NPR2: variants seen among roughly 807,000 people sequenced by gnomAD.
NPR2 encodes the protein atrial natriuretic peptide receptor 2.
Under a neutral mutation model 120.7 loss-of-function variants are expected in NPR2, and 49 were observed. The observed-to-expected ratio is 0.41, with a 90% CI of 0.32 to 0.52. NPR2 has a LOEUF of 0.52. Ranked by LOEUF, NPR2 falls within the 20% of genes least tolerant of loss-of-function variation. The pLI, the probability that NPR2 is intolerant of heterozygous loss-of-function variation, is 0.36. For missense variants in NPR2, 931 were observed against 1,362.9 expected, an observed-to-expected ratio of 0.68 and a Z score of 4.99; for synonymous variants, 484 against 519.8, an observed-to-expected ratio of 0.93 and a Z score of 0.94.
At chr9:35,794,429 T>C (rs1346854424) in intron 2 of NPR2, among the ~76,000 whole-genome samples, 1 of 152,170 alleles carries the variant, frequency 6.6e-6, no homozygotes, top group Non-Finnish European at 1.5e-5. Flanking sequence ...GCTTCCACCC[T>C]TTATGGAGAG....
rs759110528 is a variant in NPR2, at chr9:35,808,574, T to C, written c.2778T>C (p.His926=). The C allele has an allele frequency of 1.2e-5, 19 of 1,614,098 alleles. No individual in the cohort carries two copies. In the African/African-American group the frequency reaches 1.5e-4, roughly 12 times the overall value. ...TCCCAGGCCGAAATGGTCAACGCCA[T>C]GCACCAGAAATTGCTCGTATGGCCC... ...SGLPGRNGQR[H]APEIARMALA... is the part of the protein sequence containing the mutation. The change falls in exon 19 of 22, where the codon CAT becomes CAC. Residue 926 remains histidine (H), a synonymous_variant. Transcript: ENST00000342694. The surrounding 1 kb of genome is among the most constrained non-coding windows in gnomAD (Gnocchi z 4.0).
rs1828502055 is a variant in NPR2 at position 35,808,007 on chromosome 9, A to T, written c.2713-502A>T. 1 of 622,120 alleles carries T rather than the reference A, an allele frequency of 1.6e-6. No individual in the cohort carries two copies. Among genetic ancestry groups the T allele is most frequent in the Non-Finnish European group, 2.9e-6 (1 of 348,106 alleles). 38.5% of individuals were successfully genotyped at this position (622,120 alleles called of 1,614,324 possible). A position where few individuals can be genotyped will look rare whatever the true frequency, so the allele number is the denominator to read the frequency against. On this transcript the variant is annotated intron_variant, in intron 18 of 21. Transcript: ENST00000342694. This position sits in a 1 kb window ranked among gnomAD's most constrained non-coding sequence, Gnocchi z 4.0. ...TTTAGGGATAACTACTTTATCCCTA[A>T]ATACTTAGTGTGTATTTCCTAAAAA...
At position 35,806,476 on chromosome 9, in the gene NPR2, C is replaced by T. The variant is rs1471667855; in HGVS notation, c.2457C>T (p.Arg819=). 1.2e-6 allele frequency: 2 copies of T among 1,614,156 alleles called. No individual in the cohort carries two copies. The highest frequency in any genetic ancestry group is 1.7e-6 in the Non-Finnish European group (2 of 1,179,990). ...ACTTGGAGAAGCTGGTGGAGGAACG[C>T]ACACAGGCCTATCTGGAGGAAAAAC... is the stretch of plus-strand genomic sequence containing the variant. The part of the protein sequence containing the change: ...ANNLEKLVEE[R]TQAYLEEKRK... The change falls in exon 16 of 22, where the codon CGC becomes CGT. Residue 819 remains arginine, a synonymous_variant. Transcript: ENST00000342694. The surrounding 1 kb of genome is among the most constrained non-coding windows in gnomAD (Gnocchi z 4.6).
intron 3 of NPR2, 94 bp downstream of exon 3, chr9:35,799,825 C>A: frequency 2.8e-6 from 4 of 1,410,052 alleles, no homozygotes; most frequent in Non-Finnish European, 4.0e-6. Context: ...GTGGAGCAAG[C>A]CCAACTTTGG....
rs753782221 is a variant in NPR2, at chr9:35,802,129, C to T, written c.1633-77C>T. On this transcript the variant is annotated intron_variant, in intron 9 of 21. Coordinates refer to ENST00000342694, the MANE Select transcript of NPR2 (RefSeq NM_003995.4). The surrounding 1 kb of genome is among the most constrained non-coding windows in gnomAD (Gnocchi z 4.2). ...TGCCCAGCTGAGCTCCTGGGTGCTT[C>T]CACTGCTCTCTAGCATTTCCTTGTA... 1.4e-5 allele frequency: 18 copies of T among 1,297,178 alleles called. No homozygotes were observed. The highest frequency in any genetic ancestry group is 1.8e-5 in the Non-Finnish European group (16 of 891,040). 80.4% of individuals were successfully genotyped at this position (1,297,178 alleles called of 1,614,324 possible).
Position 35,800,725 on chromosome 9 carries a change from C to G in NPR2, c.1235C>G (p.Ser412Trp). The part of the protein sequence containing the change: ...SGDFQPAAHY[S>W]GAEKQIWWTG... The stretch of plus-strand genomic sequence containing the variant: ...TCCTTACAGCCTGCAGCCCACTACT[C>G]GGGAGCTGAGAAGCAGATTTGGTGG... Residue 412 changes from serine (S) to tryptophan (W), a missense_variant, in exon 6 of 22, where the codon TCG becomes TGG. Physicochemically the swap from Ser to Trp is radical, Grantham distance 177 (BLOSUM62 -3). Around this residue, in one of 3 missense-constraint regions of NPR2, gnomAD observed 681 missense variants for 974.3 expected, o/e 0.70. Transcript: ENST00000342694. This position sits in a 1 kb window ranked among gnomAD's most constrained non-coding sequence, Gnocchi z 4.7. 6.2e-7 allele frequency: 1 copy of G among 1,614,164 alleles called. No homozygotes were observed. Among genetic ancestry groups the G allele is most frequent in the Non-Finnish European group, 8.5e-7 (1 of 1,180,012 alleles).
chr9:35,805,111 G>A lies in NPR2; in HGVS notation c.1888-400G>A, dbSNP rs1828315467. Among the ~76,000 whole-genome samples the A allele has an allele frequency of 6.6e-6, 1 of 152,208 alleles. No individual in the cohort carries two copies. The highest frequency in any genetic ancestry group is 2.1e-4 in the South Asian group (1 of 4,828). ...ATATCCAGCTACTCTTGATACCTGGGTCTCAAGTCATGTCTTCCTAATTAG... is the reference window on the plus strand; with the variant it reads ...ATATCCAGCTACTCTTGATACCTGGATCTCAAGTCATGTCTTCCTAATTAG... On this transcript the variant is annotated intron_variant, in intron 12 of 21. Coordinates refer to ENST00000342694, the MANE Select transcript of NPR2 (RefSeq NM_003995.4). This position sits in a 1 kb window ranked among gnomAD's most constrained non-coding sequence, Gnocchi z 4.9.
In NPR2 at chr9:35,808,396, T is replaced by C. The variant is rs1031730507; in HGVS notation, c.2713-113T>C. 18 of 1,398,848 alleles carry C rather than the reference T, an allele frequency of 1.3e-5. No homozygotes were observed. The Middle Eastern group carries it at 5.3e-4, about 41-fold the overall frequency. The allele number at this position is 1,398,848 out of a possible 1,614,324, so 86.7% of individuals were successfully genotyped here. On this transcript the variant is annotated intron_variant, in intron 18 of 21. Coordinates refer to ENST00000342694, the MANE Select transcript of NPR2 (RefSeq NM_003995.4). The surrounding 1 kb of genome is among the most constrained non-coding windows in gnomAD (Gnocchi z 4.0). ...GGCACTTATTTTCTAGTCAATATTC[T>C]GGTCTCCAGCATGTCAGGATGATTA...
chr9:35,806,899 C>T lies in NPR2; in HGVS notation c.2520-124C>T. On this transcript the variant is annotated intron_variant, in intron 16 of 21. Coordinates refer to ENST00000342694, the MANE Select transcript of NPR2 (RefSeq NM_003995.4). The surrounding 1 kb of genome is among the most constrained non-coding windows in gnomAD (Gnocchi z 4.6). ...AATGTCTTCCCAGCCACTTTCCTCC[C>T]TCCCACCTGAAAAGCCTAGCTTTCT... 3.6e-6 allele frequency: 4 copies of T among 1,114,588 alleles called. No individual in the cohort carries two copies. The highest frequency in any genetic ancestry group is 5.3e-6 in the Non-Finnish European group (4 of 753,066). The allele number at this position is 1,114,588 out of a possible 1,614,324, so 69.0% of individuals were successfully genotyped here. A position where few individuals can be genotyped will look rare whatever the true frequency, so the allele number is the denominator to read the frequency against.
Position 35,800,767 on chromosome 9 carries a change from C to A in NPR2, c.1277C>A (p.Pro426His). ...KQIWWTGRPIPWVKGAPPSDN... is the reference protein window; with the variant it reads ...KQIWWTGRPIHWVKGAPPSDN... ...ATTTGGTGGACGGGACGGCCTATTC[C>A]CTGGGTGAAGGGGGCTCCTCCCTCG... Residue 426 changes from proline (P) to histidine (H), a missense_variant, in exon 6 of 22, where the codon CCC becomes CAC. Coordinates refer to ENST00000342694, the MANE Select transcript of NPR2 (RefSeq NM_003995.4). The surrounding 1 kb of genome is among the most constrained non-coding windows in gnomAD (Gnocchi z 4.7). The A allele has an allele frequency of 6.2e-7, 1 of 1,614,122 alleles. No individual in the cohort carries two copies. The highest frequency in any genetic ancestry group is 8.5e-7 in the Non-Finnish European group (1 of 1,180,026).
At chr9:35,796,922 C>A (rs558326518) in intron 2 of NPR2, among the ~76,000 whole-genome samples, 59 of 152,270 alleles carry the variant, frequency 3.9e-4, no homozygotes, top group South Asian at 2.3e-3. Context: ...GAAAAGGTGG[C>A]AATAGAGGAA....
In NPR2 at chr9:35,807,357, A is replaced by G. The variant is rs765278778; in HGVS notation, c.2671A>G (p.Thr891Ala). The change falls in exon 18 of 22, where the codon ACC becomes GCC. Residue 891 changes from threonine (T) to alanine (A), a missense_variant. Physicochemically the swap from Thr to Ala is moderately conservative, Grantham distance 58. Around this residue, in one of 3 missense-constraint regions of NPR2, gnomAD observed 184 missense variants for 328.3 expected, o/e 0.56. Coordinates refer to ENST00000342694, the MANE Select transcript of NPR2 (RefSeq NM_003995.4). ...QVVTLLNDLY[T>A]CFDAIIDNFD... ...AGTGACACTTCTTAATGACCTGTAT[A>G]CCTGCTTTGATGCCATAATTGACAA... 6.2e-7 allele frequency: 1 copy of G among 1,613,744 alleles called. No individual in the cohort carries two copies. The highest frequency in any genetic ancestry group is 1.1e-5 in the South Asian group (1 of 91,060).
At chr9:35,793,122 G>A (rs1273489814) in intron 1 of NPR2, 47 bp downstream of exon 1, 2 of 1,531,870 alleles carry the variant, frequency 1.3e-6, no homozygotes, top group Admixed American at 3.7e-5. Context: ...GAGGGTCGCT[G>A]TGTCCCTAAA....
rs777466300 is a variant in NPR2 at position 35,801,747 on chromosome 9, G to A, written c.1541G>A (p.Arg514His). ...SERYHKGAGS[R>H]LTLSLRGSSY... is the part of the protein sequence containing the mutation. ...CGTTATCACAAAGGTGCAGGCAGTC[G>A]CCTCACACTGTCGCTGGTGAGCCCT... Residue 514 changes from arginine (R) to histidine (H), a missense_variant, in exon 8 of 22, where the codon CGC becomes CAC. By Grantham distance (29) the Arg-to-His change is conservative. This residue lies in a region of NPR2 where 681 missense variants were observed against 974.3 expected (regional missense o/e 0.70). Transcript: ENST00000342694. The A allele has an allele frequency of 8.7e-6, 14 of 1,614,182 alleles. No homozygotes were observed. The highest frequency in any genetic ancestry group is 2.2e-5 in the South Asian group (2 of 91,086).
In NPR2 at chr9:35,802,952, G is replaced by A. The variant is rs1430132051; in HGVS notation, c.1887+149G>A. ...TCTGGTAATAATGGGTAAACAAGGA[G>A]TCTGGGGCTTATAACTGGGACAGTG... On this transcript the variant is annotated intron_variant, in intron 12 of 21. Coordinates refer to ENST00000342694, the MANE Select transcript of NPR2 (RefSeq NM_003995.4). This position sits in a 1 kb window ranked among gnomAD's most constrained non-coding sequence, Gnocchi z 4.2. 1 of 696,038 alleles carries A rather than the reference G, an allele frequency of 1.4e-6. No homozygotes were observed. 43.1% of individuals were successfully genotyped at this position (696,038 alleles called of 1,614,324 possible). A position where few individuals can be genotyped will look rare whatever the true frequency, so the allele number is the denominator to read the frequency against.
In NPR2 at chr9:35,791,695, A is replaced by AAGCGCCGGGC. The variant is rs1268668247; in HGVS notation, c.-705_-696dup. Among the ~76,000 whole-genome samples the AAGCGCCGGGC allele has an allele frequency of 1.3e-5, 2 of 150,142 alleles. No homozygotes were observed. Among genetic ancestry groups the AAGCGCCGGGC allele is most frequent in the African/African-American group, 2.4e-5 (1 of 40,846 alleles). On this transcript the variant is annotated 5_prime_UTR_variant, in exon 1 of 22. Coordinates refer to ENST00000342694, the MANE Select transcript of NPR2 (RefSeq NM_003995.4). Reference sequence around the variant, plus strand: ...CGGGGCCCAGGCGGGGGGCGGGAGGAAGCGCCGGGCAGCGCCGGCCGCCAG... The same window carrying AAGCGCCGGGC: ...CGGGGCCCAGGCGGGGGGCGGGAGGAAGCGCCGGGCAGCGCCGGGCAGCGCCGGCCGCCAG...
At chr9:35,793,613 G>C (rs564671791) in intron 1 of NPR2, among the ~76,000 whole-genome samples, 32 of 152,276 alleles carry the variant, frequency 2.1e-4, no homozygotes, top group African/African-American at 7.5e-4. Flanking sequence ...CGGTTGGGTG[G>C]GGAGCAGCAA....
In NPR2 at chr9:35,808,417, G is replaced by A; in HGVS notation, c.2713-92G>A. The stretch of plus-strand genomic sequence containing the variant: ...ATTCTGGTCTCCAGCATGTCAGGAT[G>A]ATTAATGATGGTGTCAAGCTTGTCT... On this transcript the variant is annotated intron_variant, in intron 18 of 21. Transcript: ENST00000342694. This position sits in a 1 kb window ranked among gnomAD's most constrained non-coding sequence, Gnocchi z 4.0. 6.9e-7 allele frequency: 1 copy of A among 1,447,428 alleles called. No individual in the cohort carries two copies. The highest frequency in any genetic ancestry group is 9.7e-7 in the Non-Finnish European group (1 of 1,033,750). The allele number at this position is 1,447,428 out of a possible 1,614,324, so 89.7% of individuals were successfully genotyped here. A position where few individuals can be genotyped will look rare whatever the true frequency, so the allele number is the denominator to read the frequency against.
In NPR2 at chr9:35,791,611, G is replaced by C. The variant is rs1021103618; in HGVS notation, c.-798G>C. Among the ~76,000 whole-genome samples, 278 of 145,906 alleles carry C rather than the reference G, an allele frequency of 1.9e-3. No homozygotes were observed. Among genetic ancestry groups the C allele is most frequent in the African/African-American group, 6.7e-3 (266 of 39,950 alleles). On this transcript the variant is annotated 5_prime_UTR_variant, in exon 1 of 22. Coordinates refer to ENST00000342694, the MANE Select transcript of NPR2 (RefSeq NM_003995.4). The stretch of plus-strand genomic sequence containing the variant: ...CCCGGGGGAGTCGCACTCGGCCGCC[G>C]GCGCAGCGAGCGGAGACGGGCCGGG...
Sources: allele counts gnomAD v4.1 joint callset (sites outside exome capture counted in the v4.1 genomes callset), GRCh38; gene constraint gnomAD v4.1.1; regional missense constraint gnomAD v4.1.1; non-coding constraint Gnocchi (gnomAD v3.1); transcripts MANE v1.5; gene names NCBI Gene and HGNC (gene_info 2026-07-23, HGNC 2026-07-21).